The following RBFOX1 variants were observed in gnomAD, a reference collection of about 807,000 sequenced individuals.
RBFOX1 encodes RNA binding protein fox-1 homolog 1.
A neutral mutation model predicts 57.7 loss-of-function variants in RBFOX1; 8 were observed. That is an observed-to-expected ratio of 0.14 (90% confidence interval 0.08 to 0.25). The LOEUF is 0.25. Among genes scored for constraint, RBFOX1 ranks in the 10% least tolerant of loss-of-function variants. The pLI is 1.00. For synonymous variants in RBFOX1, 326 were observed against 222.4 expected (o/e 1.47, Z -4.15); for missense variants, 611 against 548.5 (o/e 1.11, Z -1.14).
At chr16:6,419,639 G>A (rs2093720630) in intron 2 of RBFOX1, among the ~76,000 whole-genome samples, 1 of 152,096 alleles carries the variant, frequency 6.6e-6, no homozygotes, top group Admixed American at 6.6e-5. Flanking sequence ...TGCGTGGTGT[G>A]GTTGCAGAGG....
chr16:6,359,764 T>C (rs1313885234), intron 2 of RBFOX1, among the ~76,000 whole-genome samples: 2 of 152,178 alleles, frequency 1.3e-5, no homozygotes, highest in Non-Finnish European at 2.9e-5. Flanking sequence ...CTTATACTTA[T>C]ACACAGCCGA....
At chr16:6,285,651 C>G (rs2076829620) in intron 1 of RBFOX1, among the ~76,000 whole-genome samples, 1 of 152,158 alleles carries the variant, frequency 6.6e-6, no homozygotes, top group South Asian at 2.1e-4. Flanking sequence ...ATCACGTTGG[C>G]TTGAATCTGT....
intron 4 of RBFOX1, among the ~76,000 whole-genome samples, chr16:7,429,185 G>C (rs754781): frequency 0.076 from 11,622 of 152,226 alleles, 771 homozygotes; most frequent in African/African-American, 0.18. Context: ...ACCAGAGCAA[G>C]TGGAGGGGAC....
At position 7,457,818 on chromosome 16, in the gene RBFOX1, TA is replaced by T. The variant is rs150655825; in HGVS notation, c.28-60319del. Reference sequence around the variant, plus strand: ...TCACACCAAGCAGCCAAAGTTGTCTTAAAAAAAAAATAGCATCTTTGATATG... The same window carrying T: ...TCACACCAAGCAGCCAAAGTTGTCTTAAAAAAAAATAGCATCTTTGATATG... On this transcript the variant is annotated intron_variant, in intron 4 of 15. Transcript: ENST00000550418. Among the ~76,000 whole-genome samples the T allele has an allele frequency of 4.2e-4, 63 of 150,146 alleles. No homozygotes were observed. The East Asian group carries it at 5.3e-3, about 13-fold the overall frequency.
At chr16:7,003,598 G>A (rs1050897611) in intron 3 of RBFOX1, among the ~76,000 whole-genome samples, 1 of 152,000 alleles carries the variant, frequency 6.6e-6, no homozygotes. Flanking sequence ...AATACCTCTG[G>A]AGAAAAACTA....
At chr16:5,897,344 C>G (rs2058193260) in intron 4 of RBFOX1, among the ~76,000 whole-genome samples, 1 of 149,856 alleles carries the variant, frequency 6.7e-6, no homozygotes, top group Non-Finnish European at 1.5e-5. Context: ...CCTCCATCCG[C>G]TTTTAAACAG....
chr16:6,768,920 G>C (rs1327090699), intron 3 of RBFOX1, among the ~76,000 whole-genome samples: 4 of 151,906 alleles, frequency 2.6e-5, no homozygotes, highest in Non-Finnish European at 2.9e-5. Flanking sequence ...GGAGAGATGG[G>C]GTTTCACCAT....
At chr16:7,248,482 C>G (rs980476487) in intron 4 of RBFOX1, among the ~76,000 whole-genome samples, 2 of 152,192 alleles carry the variant, frequency 1.3e-5, no homozygotes, top group African/African-American at 2.4e-5. Flanking sequence ...GACTTTCACG[C>G]TTACACTTGC....
chr16:5,900,511 C>T (rs2058280885), intron 4 of RBFOX1, among the ~76,000 whole-genome samples: 1 of 152,114 alleles, frequency 6.6e-6, no homozygotes, highest in Non-Finnish European at 1.5e-5. Flanking sequence ...AGCCCTTTTG[C>T]CCCAGAGTAG....
At chr16:7,381,361 TAGAA>T (rs904470577) in intron 4 of RBFOX1, among the ~76,000 whole-genome samples, 2 of 152,208 alleles carry the variant, frequency 1.3e-5, no homozygotes, top group East Asian at 1.9e-4. Flanking sequence ...TATAAGTAAT[TAGAA>T]AGAAAACCAT....
At chr16:5,281,168 T>C (rs2063263101) in intron 1 of RBFOX1, among the ~76,000 whole-genome samples, 1 of 152,190 alleles carries the variant, frequency 6.6e-6, no homozygotes, top group African/African-American at 2.4e-5. Flanking sequence ...TTAATTTCCA[T>C]CTTAATTTCT....
chr16:7,037,592 T>C (rs1218813771), intron 3 of RBFOX1, among the ~76,000 whole-genome samples: 1 of 152,176 alleles, frequency 6.6e-6, no homozygotes, highest in African/African-American at 2.4e-5. Context: ...TCAGTTTACT[T>C]TCTTGTAGTG....
chr16:7,615,092 G>A (rs2141704234), intron 10 of RBFOX1: 1 of 152,426 alleles, frequency 6.6e-6, no homozygotes, highest in East Asian at 1.9e-4. Flanking sequence ...CCAGCACTTT[G>A]GGAGGCCAAG....
chr16:7,195,767 G>C (rs2152682278), intron 4 of RBFOX1, among the ~76,000 whole-genome samples: 1 of 152,232 alleles, frequency 6.6e-6, no homozygotes, highest in Middle Eastern at 3.4e-3. Context: ...TGGCCAGACT[G>C]GTGTTCAACT....
intron 4 of RBFOX1, among the ~76,000 whole-genome samples, chr16:7,468,463 T>TTG (rs893763491): frequency 1.3e-5 from 2 of 151,582 alleles, no homozygotes; most frequent in African/African-American, 4.8e-5. Context: ...GGGTGTTTTT[T>TTG]TTTTTTTTTT....
At chr16:6,138,732 T>A (rs574245069) in intron 1 of RBFOX1, among the ~76,000 whole-genome samples, 1 of 152,070 alleles carries the variant, frequency 6.6e-6, no homozygotes, top group African/African-American at 2.4e-5. Flanking sequence ...CAAGGGTTGG[T>A]GGCAGGCACC....
chr16:7,043,968 C>G (rs1568506135), intron 3 of RBFOX1, among the ~76,000 whole-genome samples: 2 of 152,170 alleles, frequency 1.3e-5, no homozygotes, highest in South Asian at 2.1e-4. Flanking sequence ...TTTCAATTCT[C>G]CAAGACAAGT....
chr16:7,269,881 C>T (rs1186103822), intron 4 of RBFOX1, among the ~76,000 whole-genome samples: 1 of 152,156 alleles, frequency 6.6e-6, no homozygotes, highest in African/African-American at 2.4e-5. Flanking sequence ...ATAACCATAG[C>T]GTATTAGCAT....
At chr16:7,375,340 T>G (rs2097665575) in intron 4 of RBFOX1, among the ~76,000 whole-genome samples, 1 of 152,178 alleles carries the variant, frequency 6.6e-6, no homozygotes, top group African/African-American at 2.4e-5. Flanking sequence ...TGTTTTTGCT[T>G]CTGATAATTA....
Sources: allele counts gnomAD v4.1 joint callset (sites outside exome capture counted in the v4.1 genomes callset), GRCh38; gene constraint gnomAD v4.1.1; transcripts MANE v1.5; gene names NCBI Gene and HGNC (gene_info 2026-07-23, HGNC 2026-07-21).